KLF12: variants seen among roughly 807,000 people sequenced by gnomAD.
The protein encoded by KLF12 is Krueppel-like factor 12.
Under a neutral mutation model 37.8 loss-of-function variants are expected in KLF12, and 9 were observed. The observed-to-expected ratio is 0.24, with a 90% confidence interval of 0.14 to 0.42. KLF12 has a LOEUF of 0.42. KLF12 is among the 10% of genes least tolerant of loss of function. The pLI, the probability that KLF12 is intolerant of heterozygous loss-of-function variation, is 1.00. For synonymous variants in KLF12, 208 were observed against 202.1 expected, an observed-to-expected ratio of 1.03 and a Z score of -0.25; for missense variants, 411 against 516.0, an observed-to-expected ratio of 0.80 and a Z score of 1.97.
At chr13:73,708,315 A>G (rs1875103434) in intron 7 of KLF12, among the ~76,000 whole-genome samples, 1 of 152,212 alleles carries the variant, frequency 6.6e-6, no homozygotes. Context: ...ATCAGAGAAC[A>G]GTATGTCAAT....
At chr13:73,765,129 CCT>C (rs774369110) in intron 5 of KLF12, 129 bp from the exon 6 acceptor site, 11 of 587,650 alleles carry the variant, frequency 1.9e-5, no homozygotes, top group Admixed American at 3.2e-5. Context: ...AACTTGAACC[CCT>C]CTTAGTAAAT....
At chr13:73,925,605 C>T (rs1045943906) in intron 3 of KLF12, among the ~76,000 whole-genome samples, 6 of 151,966 alleles carry the variant, frequency 3.9e-5, no homozygotes, top group African/African-American at 9.7e-5. Flanking sequence ...TTCTGCAGCC[C>T]GTGGATAAGT....
chr13:74,127,745 T>C (rs1878023138), intron 1 of KLF12, among the ~76,000 whole-genome samples: 1 of 152,242 alleles, frequency 6.6e-6, no homozygotes, highest in South Asian at 2.1e-4. Flanking sequence ...TGTAAGATCC[T>C]CATTATCTAC....
chr13:74,140,847 A>T, the KLF12 span, among the ~76,000 whole-genome samples: 1 of 152,114 alleles, frequency 6.6e-6, no homozygotes, highest in African/African-American at 2.4e-5. Flanking sequence ...AGATCAGGAG[A>T]TCGAGACCAT....
intron 1 of KLF12, among the ~76,000 whole-genome samples, chr13:74,064,014 A>G (rs1873760735): frequency 6.6e-6 from 1 of 152,172 alleles, no homozygotes; most frequent in Non-Finnish European, 1.5e-5. Flanking sequence ...ACATGAGCTA[A>G]TAAAATAATT....
At chr13:74,281,012 A>G in the KLF12 span, among the ~76,000 whole-genome samples, 1 of 152,048 alleles carries the variant, frequency 6.6e-6, no homozygotes, top group East Asian at 1.9e-4. Context: ...ATCCATTACT[A>G]ATGGGTTCTT....
intron 5 of KLF12, among the ~76,000 whole-genome samples, chr13:73,770,802 C>T (rs982173301): frequency 1.3e-5 from 2 of 152,088 alleles, no homozygotes; most frequent in African/African-American, 2.4e-5. Flanking sequence ...GGATTACAGG[C>T]GTGAACCACC....
the KLF12 span, among the ~76,000 whole-genome samples, chr13:74,217,263 G>C: frequency 6.6e-6 from 1 of 150,940 alleles, no homozygotes; most frequent in Non-Finnish European, 1.5e-5. Flanking sequence ...CCATTCAGAG[G>C]ACAATTGAAG....
chr13:74,233,175 G>A, the KLF12 span, among the ~76,000 whole-genome samples: 5 of 152,154 alleles, frequency 3.3e-5, no homozygotes, highest in African/African-American at 1.2e-4. Context: ...GAGCCACCGC[G>A]CCTGGCCTGA....
At chr13:73,778,508 T>G (rs1240899249) in intron 5 of KLF12, among the ~76,000 whole-genome samples, 2 of 152,110 alleles carry the variant, frequency 1.3e-5, no homozygotes, top group Non-Finnish European at 2.9e-5. Context: ...TACAAGCGCC[T>G]GCCACCACGC....
chr13:74,057,719 T>C (rs1371965726), intron 1 of KLF12, among the ~76,000 whole-genome samples: 1 of 152,162 alleles, frequency 6.6e-6, no homozygotes, highest in African/African-American at 2.4e-5. Flanking sequence ...CTCTTAAAAT[T>C]GAGCACAAAA....
At chr13:73,987,602 G>A (rs2138220208) in intron 2 of KLF12, among the ~76,000 whole-genome samples, 1 of 150,470 alleles carries the variant, frequency 6.6e-6, no homozygotes, top group East Asian at 2.0e-4. Context: ...GAGGGAGGGA[G>A]CAGACGTGGG....
intron 1 of KLF12, among the ~76,000 whole-genome samples, chr13:73,999,420 T>C (rs1892209589): frequency 2.0e-5 from 3 of 152,140 alleles, no homozygotes; most frequent in Non-Finnish European, 2.9e-5. Flanking sequence ...TTCTAGCATA[T>C]ATCCCTTCCT....
chr13:73,807,435 G>A (rs1488928332), intron 5 of KLF12, among the ~76,000 whole-genome samples: 1 of 152,038 alleles, frequency 6.6e-6, no homozygotes, highest in African/African-American at 2.4e-5. Flanking sequence ...CCAAAGATAA[G>A]ACTATACATT....
At position 73,911,803 on chromosome 13, in the gene KLF12, T is replaced by C. The variant is rs200344626; in HGVS notation, c.123+32178A>G. On this transcript the variant is annotated intron_variant, in intron 3 of 7. Coordinates refer to ENST00000377669, the MANE Select transcript of KLF12 (RefSeq NM_007249.5). Reference sequence around the variant, plus strand: ...TTATGTACTGAATTATGGAAATGGATTTTGTCTTTGTGCCTTCATTCTACG... The same window carrying C: ...TTATGTACTGAATTATGGAAATGGACTTTGTCTTTGTGCCTTCATTCTACG... 3.6e-3 allele frequency among the ~76,000 whole-genome samples: 544 copies of C among 152,322 alleles called. 5 individuals carry two copies. The highest frequency in any genetic ancestry group is 0.013 in the African/African-American group (524 of 41,568).
the KLF12 span, among the ~76,000 whole-genome samples, chr13:74,270,043 TG>T: frequency 6.6e-6 from 1 of 152,214 alleles, no homozygotes. Flanking sequence ...ACTGTAATCC[TG>T]GTTCCTACTA....
the KLF12 span, among the ~76,000 whole-genome samples, chr13:74,161,132 T>C: frequency 6.6e-6 from 1 of 151,328 alleles, no homozygotes. Context: ...CTTCCCACAC[T>C]GGACTAGGGG....
chr13:73,781,886 G>A (rs1050817978), intron 5 of KLF12, among the ~76,000 whole-genome samples: 3 of 152,124 alleles, frequency 2.0e-5, no homozygotes, highest in Non-Finnish European at 2.9e-5. Context: ...ATCAATTGAT[G>A]TTTTCACTCT....
chr13:74,119,330 C>T (rs906191044), intron 1 of KLF12, among the ~76,000 whole-genome samples: 6 of 97,262 alleles, frequency 6.2e-5, no homozygotes, highest in East Asian at 8.6e-4. Flanking sequence ...AGACTCTTAT[C>T]GCAAAAAAAA....
Sources: allele counts gnomAD v4.1 joint callset (sites outside exome capture counted in the v4.1 genomes callset), GRCh38; gene constraint gnomAD v4.1.1; transcripts MANE v1.5; gene names NCBI Gene and HGNC (gene_info 2026-07-23, HGNC 2026-07-21).